Variants in TSR3 observed in about 807,000 individuals in gnomAD.
The protein encoded by TSR3 is 18S rRNA aminocarboxypropyltransferase.
A neutral mutation model predicts 28.1 loss-of-function variants in TSR3; 31 were observed. That is an observed-to-expected ratio of 1.10 (90% CI 0.83 to 1.49). The LOEUF (loss-of-function observed/expected upper bound fraction) is 1.49. Ranked by LOEUF, TSR3 falls within the 40% of genes most tolerant of loss-of-function variation. The pLI, the probability that TSR3 is intolerant of heterozygous loss-of-function variation, is 0.00. For missense variants in TSR3, 511 were observed against 444.0 expected, an observed-to-expected ratio of 1.15 and a Z score of -1.36; for synonymous variants, 219 against 197.2, an observed-to-expected ratio of 1.11 and a Z score of -0.93.
chr16:1,351,636 G>C lies in TSR3; in HGVS notation c.113-38C>G, dbSNP rs969858614. On this transcript the variant is annotated intron_variant, in intron 1 of 5. Transcript: ENST00000007390. ...GAGAAGGGCACTCGGCCTCAGCGTGGGACCCCCGGGCAGGCCCTCAAACCC... is the reference window on the plus strand; with the variant it reads ...GAGAAGGGCACTCGGCCTCAGCGTGCGACCCCCGGGCAGGCCCTCAAACCC... 4 of 1,437,896 alleles carry C rather than the reference G, an allele frequency of 2.8e-6. No homozygotes were observed. In the African/African-American group the frequency reaches 6.0e-5, roughly 22 times the overall value. The allele number at this position is 1,437,896 out of a possible 1,614,324, so 89.1% of individuals were successfully genotyped here. A position where few individuals can be genotyped will look rare whatever the true frequency, so the allele number is the denominator to read the frequency against.
In TSR3 at chr16:1,351,425, G is replaced by C; in HGVS notation, c.286C>G (p.Leu96Val). 6.3e-7 allele frequency: 1 copy of C among 1,595,790 alleles called. No individual in the cohort carries two copies. The highest frequency in any genetic ancestry group is 8.5e-7 in the Non-Finnish European group (1 of 1,178,906). The change falls in exon 2 of 6, where the codon CTG becomes GTG. Residue 96 changes from leucine to valine, a missense_variant. Transcript: ENST00000007390. The part of the protein sequence containing the change: ...CLRLGHRFGG[L>V]VLSPVGKQYA... ...TGCTTGCCCACGGGGCTCAGCACCA[G>C]ACCGCCGAATCTGTGGCCCAGGCGC...
rs372183764 is a variant in TSR3 at position 1,350,131 on chromosome 16, G to A, written c.630C>T (p.Ser210=). 5.8e-5 allele frequency: 93 copies of A among 1,612,128 alleles called. No individual in the cohort carries two copies. Among genetic ancestry groups the A allele is most frequent in the Non-Finnish European group, 7.5e-5 (89 of 1,179,544 alleles). Residue 210 remains serine (S), a synonymous_variant, in exon 4 of 6, where the codon AGC becomes AGT. Coordinates refer to ENST00000007390, the MANE Select transcript of TSR3 (RefSeq NM_001001410.3). ...GCTCCGCCTGCAGCACCTCCTCCGG[G>A]CTGCCGCAGGCCGCGTACTTGTCCA... is the stretch of plus-strand genomic sequence containing the variant. The part of the protein sequence containing the change: ...QLLDKYAACG[S]PEEVLQAEQE...
chr16:1,351,244 G>C, intron 2 of TSR3, 135 bp downstream of exon 2: 1 of 1,089,236 alleles, frequency 9.2e-7, no homozygotes, highest in East Asian at 2.6e-5. Context: ...CTACGCAACG[G>C]AGGCAAACTA....
At position 1,350,881 on chromosome 16, in the gene TSR3, G is replaced by A. The variant is rs1164025219; in HGVS notation, c.452C>T (p.Ala151Val). 6.2e-7 allele frequency: 1 copy of A among 1,612,926 alleles called. No homozygotes were observed. Among genetic ancestry groups the A allele is most frequent in the Non-Finnish European group, 8.5e-7 (1 of 1,180,014 alleles). ...GGGCCGGCCATAGTTCACGGGGTTG[G>A]CGGCCACCAGGTAGGGCAACAGGCG... ...HLRLLPYLVAANPVNYGRPYR... is the reference protein window; with the variant it reads ...HLRLLPYLVAVNPVNYGRPYR... The change falls in exon 3 of 6, where the codon GCC becomes GTC. Residue 151 changes from alanine to valine, a missense_variant. By Grantham distance (64) the Ala-to-Val change is moderately conservative (BLOSUM62 0). Coordinates refer to ENST00000007390, the MANE Select transcript of TSR3 (RefSeq NM_001001410.3).
rs2034621280 is a variant in TSR3 at position 1,349,881 on chromosome 16, G to A, written c.767+8C>T. 3.1e-6 allele frequency: 5 copies of A among 1,613,656 alleles called. No homozygotes were observed. Among genetic ancestry groups the A allele is most frequent in the Non-Finnish European group, 4.2e-6 (5 of 1,179,944 alleles). On this transcript the variant is annotated splice_region_variant and intron_variant, in intron 5 of 5. Coordinates refer to ENST00000007390, the MANE Select transcript of TSR3 (RefSeq NM_001001410.3). ...TGAGTGATCATGAAATTAAGCCCAAGGACCTACCGGGTGCTGGCCACAGGC... is the reference window on the plus strand; with the variant it reads ...TGAGTGATCATGAAATTAAGCCCAAAGACCTACCGGGTGCTGGCCACAGGC...
intron 5 of TSR3, 21 bp from the exon 6 acceptor site, chr16:1,349,629 C>T (rs758660872): frequency 7.6e-6 from 12 of 1,571,070 alleles, no homozygotes; most frequent in Admixed American, 1.9e-5. Flanking sequence ...AGGGGGAGCA[C>T]GTTCCCAAAT....
chr16:1,349,600 G>C lies in TSR3; in HGVS notation c.776C>G (p.Ser259Trp). The part of the protein sequence containing the change: ...NRPVASTRLP[S>W]DTDDSDASED... The stretch of plus-strand genomic sequence containing the variant: ...AGACGCATCACTGTCATCAGTGTCC[G>C]AGGGCAGCCTGGGAGAGGAGGGGGA... Residue 259 changes from serine (S) to tryptophan (W), a missense_variant, in exon 6 of 6, where the codon TCG becomes TGG. Coordinates refer to ENST00000007390, the MANE Select transcript of TSR3 (RefSeq NM_001001410.3). 1 of 1,598,332 alleles carries C rather than the reference G, an allele frequency of 6.3e-7. No homozygotes were observed. The highest frequency in any genetic ancestry group is 1.7e-4 in the Middle Eastern group (1 of 6,002).
rs1187954874 is a variant in TSR3 at position 1,351,814 on chromosome 16, C to A, written c.-10G>T. 37 of 1,313,596 alleles carry A rather than the reference C, an allele frequency of 2.8e-5. No individual in the cohort carries two copies. Among genetic ancestry groups the A allele is most frequent in the Non-Finnish European group, 3.5e-5 (36 of 1,037,320 alleles). The allele number at this position is 1,313,596 out of a possible 1,614,324, so 81.4% of individuals were successfully genotyped here. ...CCCTCCTGCGGCCCATGGCGCGGAC[C>A]TGGGGTGCCGGGGACTCCCCACCCC... On this transcript the variant is annotated 5_prime_UTR_variant, in exon 1 of 6. In the 5' UTR this introduces an upstream ATG that the reference lacks. Transcript: ENST00000007390.
In TSR3 at chr16:1,351,772, C is replaced by T. The variant is rs1211010173; in HGVS notation, c.33G>A (p.Gly11=). 2 of 1,346,540 alleles carry T rather than the reference C, an allele frequency of 1.5e-6. No homozygotes were observed. The highest frequency in any genetic ancestry group is 1.8e-5 in the South Asian group (1 of 54,554). 83.4% of individuals were successfully genotyped at this position (1,346,540 alleles called of 1,614,324 possible). Residue 11 remains glycine (G), a synonymous_variant, in exon 1 of 6, where the codon GGG becomes GGA. Transcript: ENST00000007390. MGRRRAARGP[G]AEGGRPRHLP... is the part of the protein sequence containing the mutation. ...GGTGCCGAGGGCGGCCGCCTTCCGCCCCCGGCCCGCGCGCTGCCCTCCTGC... is the reference window on the plus strand; with the variant it reads ...GGTGCCGAGGGCGGCCGCCTTCCGCTCCCGGCCCGCGCGCTGCCCTCCTGC...
Position 1,349,609 on chromosome 16 carries a change from C to G in TSR3, c.768-1G>C, listed in dbSNP as rs766812312. Reference sequence around the variant, plus strand: ...ACTGTCATCAGTGTCCGAGGGCAGCCTGGGAGAGGAGGGGGAGCACGTTCC... The same window carrying G: ...ACTGTCATCAGTGTCCGAGGGCAGCGTGGGAGAGGAGGGGGAGCACGTTCC... On this transcript the variant is annotated splice_acceptor_variant, in intron 5 of 5. Transcript: ENST00000007390. LOFTEE classifies it high-confidence loss of function. 8.8e-6 allele frequency: 14 copies of G among 1,589,330 alleles called. No individual in the cohort carries two copies. The highest frequency in any genetic ancestry group is 1.2e-5 in the Non-Finnish European group (14 of 1,167,140).
At position 1,350,058 on chromosome 16, in the gene TSR3, C is replaced by T. The variant is rs770547806; in HGVS notation, c.703G>A (p.Asp235Asn). 29 of 1,607,422 alleles carry T rather than the reference C, an allele frequency of 1.8e-5. No homozygotes were observed. The highest frequency in any genetic ancestry group is 2.1e-5 in the Non-Finnish European group (25 of 1,175,908). The change falls in exon 4 of 6, where the codon GAT (aspartate) becomes AAT (asparagine). Residue 235 changes from aspartate to asparagine, a missense_variant and splice_region_variant. By Grantham distance (23) the Asp-to-Asn change is conservative (BLOSUM62 1). Coordinates refer to ENST00000007390, the MANE Select transcript of TSR3 (RefSeq NM_001001410.3). ...AKESPQEEEIDPFDVDSGREF... is the reference protein window; with the variant it reads ...AKESPQEEEINPFDVDSGREF... The stretch of plus-strand genomic sequence containing the variant: ...TGGTTCCCACCCCGCCAAGGCTCAC[C>T]GATCTCCTCCTCCTGGGGGCTCTCC...
At position 1,350,090 on chromosome 16, in the gene TSR3, T is replaced by G. The variant is rs776639568; in HGVS notation, c.671A>C (p.Asn224Thr). 1 of 1,609,170 alleles carries G rather than the reference T, an allele frequency of 6.2e-7. No homozygotes were observed. The highest frequency in any genetic ancestry group is 8.5e-7 in the Non-Finnish European group (1 of 1,177,234). Residue 224 changes from asparagine (N) to threonine (T), a missense_variant, in exon 4 of 6, where the codon AAT (asparagine) becomes ACT (threonine). Asn to Thr is a moderately conservative substitution (Grantham distance 65, BLOSUM62 0). Coordinates refer to ENST00000007390, the MANE Select transcript of TSR3 (RefSeq NM_001001410.3). The stretch of plus-strand genomic sequence containing the variant: ...CTCCTCCTGGGGGCTCTCCTTGGCA[T>G]TGGCCAAGAACTCCTGCTCCGCCTG... ...VLQAEQEFLANAKESPQEEEI... is the reference protein window; with the variant it reads ...VLQAEQEFLATAKESPQEEEI...
chr16:1,351,063 G>A lies in TSR3; in HGVS notation c.333-63C>T, dbSNP rs2034663799. The A allele has an allele frequency of 3.3e-6, 5 of 1,527,658 alleles. No individual in the cohort carries two copies. The South Asian group carries it at 4.7e-5, about 14-fold the overall frequency. 94.6% of individuals were successfully genotyped at this position (1,527,658 alleles called of 1,614,324 possible). ...ACTACCCAAGGTGGAGCATGCCCCG[G>A]AGAATGGCCTAGCTAAGGGATTCAG... is the stretch of plus-strand genomic sequence containing the variant. On this transcript the variant is annotated intron_variant, in intron 2 of 5. Transcript: ENST00000007390.
rs998023197 is a variant in TSR3, at chr16:1,350,913, G to A, written c.420C>T (p.Ser140=). The A allele has an allele frequency of 1.9e-6, 3 of 1,612,976 alleles. No individual in the cohort carries two copies. The highest frequency in any genetic ancestry group is 3.3e-5 in the Admixed American group (2 of 60,020). ...DETPFGKMRG[S]HLRLLPYLVA... is the part of the protein sequence containing the mutation. ...CCAGGTAGGGCAACAGGCGCAAGTG[G>A]CTCCCTCGCATCTTCCCAAACGGTG... The change falls in exon 3 of 6, where the codon AGC becomes AGT. Residue 140 remains serine, a synonymous_variant. Coordinates refer to ENST00000007390, the MANE Select transcript of TSR3 (RefSeq NM_001001410.3).
chr16:1,350,880 G>A lies in TSR3; in HGVS notation c.453C>T (p.Ala151=), dbSNP rs912423351. The A allele has an allele frequency of 2.5e-6, 4 of 1,612,932 alleles. No homozygotes were observed. The African/African-American group carries it at 4.0e-5, about 16-fold the overall frequency. Residue 151 remains alanine (A), a synonymous_variant, in exon 3 of 6, where the codon GCC becomes GCT. Transcript: ENST00000007390. ...AGGGCCGGCCATAGTTCACGGGGTTGGCGGCCACCAGGTAGGGCAACAGGC... is the reference window on the plus strand; with the variant it reads ...AGGGCCGGCCATAGTTCACGGGGTTAGCGGCCACCAGGTAGGGCAACAGGC... ...HLRLLPYLVA[A]NPVNYGRPYR...
rs1341073233 is a variant in TSR3 at position 1,351,019 on chromosome 16, G to C, written c.333-19C>G. 6.2e-7 allele frequency: 1 copy of C among 1,609,574 alleles called. No individual in the cohort carries two copies. The highest frequency in any genetic ancestry group is 1.1e-5 in the South Asian group (1 of 90,908). ...CAGCTGTCTGCCAGGGACAGCATGGGATAAGTTCAGGAGCCAGCACTACCC... is the reference window on the plus strand; with the variant it reads ...CAGCTGTCTGCCAGGGACAGCATGGCATAAGTTCAGGAGCCAGCACTACCC... On this transcript the variant is annotated intron_variant, in intron 2 of 5. Coordinates refer to ENST00000007390, the MANE Select transcript of TSR3 (RefSeq NM_001001410.3).
chr16:1,351,472 C>A lies in TSR3; in HGVS notation c.239G>T (p.Arg80Leu), dbSNP rs530299830. The change falls in exon 2 of 6, where the codon CGC becomes CTC. Residue 80 changes from arginine (R) to leucine (L), a missense_variant. Physicochemically the swap from Arg to Leu is moderately radical, Grantham distance 102. Coordinates refer to ENST00000007390, the MANE Select transcript of TSR3 (RefSeq NM_001001410.3). Reference sequence around the variant, plus strand: ...GCGCAGGCAGCGCACCAGCCCCAGGCGGGCCAGCTTGCGGCCCGTGCAGCG... The same window carrying A: ...GCGCAGGCAGCGCACCAGCCCCAGGAGGGCCAGCTTGCGGCCCGTGCAGCG... ...PRRCTGRKLA[R>L]LGLVRCLRLG... is the part of the protein sequence containing the mutation. 5 of 1,585,038 alleles carry A rather than the reference C, an allele frequency of 3.2e-6. No individual in the cohort carries two copies. Among genetic ancestry groups the A allele is most frequent in the Non-Finnish European group, 4.3e-6 (5 of 1,173,912 alleles).
rs1366107827 is a variant in TSR3 at position 1,349,279 on chromosome 16, G to C, written c.*158C>G. The C allele has an allele frequency of 1.2e-6, 1 of 814,362 alleles. No homozygotes were observed. Among genetic ancestry groups the C allele is most frequent in the East Asian group, 2.4e-5 (1 of 40,840 alleles). The allele number at this position is 814,362 out of a possible 1,614,324, so 50.4% of individuals were successfully genotyped here. A position where few individuals can be genotyped will look rare whatever the true frequency, so the allele number is the denominator to read the frequency against. On this transcript the variant is annotated 3_prime_UTR_variant, in exon 6 of 6. Transcript: ENST00000007390. ...CTTCATTTGCGAGAGCGCCGAGGCA[G>C]GACACAGAGCACAGCTGTGCTGGAA...
Position 1,349,544 on chromosome 16 carries a change from C to G in TSR3, c.832G>C (p.Gly278Arg), listed in dbSNP as rs759070346. The G allele has an allele frequency of 3.1e-6, 5 of 1,613,130 alleles. No individual in the cohort carries two copies. In the Admixed American group the frequency reaches 5.0e-5, roughly 16 times the overall value. ...TCTTCACAGCAGCTGCTGCTGGCTC[C>G]TCCGCGCTCGGCGCCAGGCCCTGGG... is the stretch of plus-strand genomic sequence containing the variant. ...EDPGPGAERG[G>R]ASSSCCEEEQ... The change falls in exon 6 of 6, where the codon GGA becomes CGA. Residue 278 changes from glycine to arginine, a missense_variant. Coordinates refer to ENST00000007390, the MANE Select transcript of TSR3 (RefSeq NM_001001410.3).
Sources: allele counts gnomAD v4.1 joint callset, GRCh38; gene constraint gnomAD v4.1.1; transcripts MANE v1.5; gene names NCBI Gene and HGNC (gene_info 2026-07-23, HGNC 2026-07-21).